Variants in YY1 observed in about 807,000 individuals in gnomAD.
YY1 encodes the protein transcriptional repressor protein YY1.
YY1 carries 2 observed loss-of-function variants against 35.6 expected under a neutral mutation model. The ratio of observed to expected loss-of-function variants is 0.06; its 90% CI spans 0.02 to 0.18. The LOEUF is 0.18. YY1 is among the 10% of genes least tolerant of loss of function. The pLI is 1.00. For synonymous variants in YY1, 268 were observed against 238.9 expected (o/e 1.12, Z -1.12); for missense variants, 322 against 573.4 (o/e 0.56, Z 4.48).
In YY1 at chr14:100,277,511, C is replaced by G; in HGVS notation, c.1156C>G (p.Pro386Ala). 1 of 1,613,974 alleles carries G rather than the reference C, an allele frequency of 6.2e-7. No homozygotes were observed. The highest frequency in any genetic ancestry group is 8.5e-7 in the Non-Finnish European group (1 of 1,180,010). Residue 386 changes from proline (P) to alanine (A), a missense_variant, in exon 5 of 5, where the codon CCC (proline) becomes GCC (alanine). This residue lies in a region of YY1 where 26 missense variants were observed against 212.6 expected (regional missense o/e 0.12). Transcript: ENST00000262238. The surrounding 1 kb of genome is among the most constrained non-coding windows in gnomAD (Gnocchi z 5.6). The stretch of plus-strand genomic sequence containing the variant: ...TACCGGAGACAGGCCCTATGTGTGC[C>G]CCTTCGATGGTTGTAATAAGAAGTT... Reference protein sequence around the residue: ...IHTGDRPYVCPFDGCNKKFAQ... With the variant: ...IHTGDRPYVCAFDGCNKKFAQ...
chr14:100,265,416 T>A (rs922048269), intron 2 of YY1: 1 of 152,050 alleles, frequency 6.6e-6, no homozygotes, highest in African/African-American at 2.4e-5. Context: ...AGAAAAAAAC[T>A]ACAAAAGATA....
intron 1 of YY1, among the ~76,000 whole-genome samples, chr14:100,251,792 T>G (rs924990713): frequency 5.3e-5 from 8 of 152,152 alleles, no homozygotes; most frequent in African/African-American, 1.9e-4. Context: ...CTTCTCTTTC[T>G]TCTCTTTATT....
In YY1 at chr14:100,281,061, CAAAAAAAAAAAA is replaced by C. The variant is rs36009825; in HGVS notation, c.*3476_*3487del. 2.6e-4 allele frequency: 26 copies of C among 100,902 alleles called. No homozygotes were observed. The highest frequency in any genetic ancestry group is 1.2e-3 in the African/African-American group (25 of 20,604). The allele number at this position is 100,902 out of a possible 1,614,324, so 6.3% of individuals were successfully genotyped here. On this transcript the variant is annotated 3_prime_UTR_variant, in exon 5 of 5. Coordinates refer to ENST00000262238, the MANE Select transcript of YY1 (RefSeq NM_003403.5). ...GGTGACAGAGCAAGACTCCGTCTCCCAAAAAAAAAAAAAAAAAAAAAAAAAAGGAAACCTGAC... is the reference window on the plus strand; with the variant it reads ...GGTGACAGAGCAAGACTCCGTCTCCCAAAAAAAAAAAAAAGGAAACCTGAC...
At chr14:100,271,674 C>T (rs991845872) in intron 2 of YY1, among the ~76,000 whole-genome samples, 1 of 146,696 alleles carries the variant, frequency 6.8e-6, no homozygotes, top group African/African-American at 2.5e-5. Context: ...CAATTCTGTA[C>T]TTTTTTTTTT....
intron 1 of YY1, among the ~76,000 whole-genome samples, chr14:100,240,777 C>T (rs952255083): frequency 6.6e-6 from 1 of 152,134 alleles, no homozygotes; most frequent in Non-Finnish European, 1.5e-5. Flanking sequence ...AATTCTTAGT[C>T]ACTTACGTTT....
intron 2 of YY1, among the ~76,000 whole-genome samples, chr14:100,271,965 T>C (rs1891244978): frequency 6.6e-6 from 1 of 152,150 alleles, no homozygotes; most frequent in African/African-American, 2.4e-5. Context: ...TTTTGGATTT[T>C]GGATGTTAGG....
chr14:100,242,681 C>T (rs1248474653), intron 1 of YY1, among the ~76,000 whole-genome samples: 1 of 152,094 alleles, frequency 6.6e-6, no homozygotes, highest in Non-Finnish European at 1.5e-5. Context: ...AGCCACCGCG[C>T]CCAGCCAAGT....
intron 2 of YY1, among the ~76,000 whole-genome samples, chr14:100,266,347 C>T (rs1891155021): frequency 6.6e-6 from 1 of 152,112 alleles, no homozygotes; most frequent in South Asian, 2.1e-4. Flanking sequence ...AATAAAACCT[C>T]TTTGGATTAT....
chr14:100,253,657 G>C (rs1349801827), intron 1 of YY1, among the ~76,000 whole-genome samples: 1 of 151,984 alleles, frequency 6.6e-6, no homozygotes, highest in Non-Finnish European at 1.5e-5. Context: ...CTCCCAAAGT[G>C]CTGGGATTAT....
rs1463920206 is a variant in YY1, at chr14:100,240,225, G to T, written c.679+302G>T. On this transcript the variant is annotated intron_variant, in intron 1 of 4. Transcript: ENST00000262238. ...GGCCGGGGGAGGGGCCGGCGCGCTC[G>T]CTCCCCGACGCCCTCGCTCCCCGCG... is the stretch of plus-strand genomic sequence containing the variant. 3.5e-5 allele frequency among the ~76,000 whole-genome samples: 5 copies of T among 141,410 alleles called. No individual in the cohort carries two copies. The East Asian group carries it at 1.1e-3, about 30-fold the overall frequency. The allele number at this position is 141,410 out of a possible 152,430, so 92.8% of individuals were successfully genotyped here.
At position 100,282,543 on chromosome 14, in the gene YY1, C is replaced by T. The variant is rs1891455933; in HGVS notation, c.*4943C>T. 6.6e-6 allele frequency: 1 copy of T among 152,184 alleles called. No homozygotes were observed. The highest frequency in any genetic ancestry group is 1.5e-5 in the Non-Finnish European group (1 of 68,034). The allele number at this position is 152,184 out of a possible 1,614,324, so 9.4% of individuals were successfully genotyped here. ...CGCTTTCTGGTAACTTCTGTAGGCC[C>T]TGGCTCAAGGACTTAGCATTTCGTC... On this transcript the variant is annotated 3_prime_UTR_variant, in exon 5 of 5. Coordinates refer to ENST00000262238, the MANE Select transcript of YY1 (RefSeq NM_003403.5).
At chr14:100,274,047 A>C (rs1276023288) in intron 2 of YY1, among the ~76,000 whole-genome samples, 2 of 152,186 alleles carry the variant, frequency 1.3e-5, no homozygotes, top group Non-Finnish European at 2.9e-5. Flanking sequence ...TCTGTCCACC[A>C]GGCCCTAGGA....
intron 1 of YY1, among the ~76,000 whole-genome samples, chr14:100,257,382 T>C (rs1891019691): frequency 6.6e-6 from 1 of 152,228 alleles, no homozygotes; most frequent in African/African-American, 2.4e-5. Context: ...GTGATTCCTT[T>C]ATGCCATGAG....
At chr14:100,246,153 C>T (rs1381886852) in intron 1 of YY1, among the ~76,000 whole-genome samples, 1 of 152,138 alleles carries the variant, frequency 6.6e-6, no homozygotes, top group East Asian at 1.9e-4. Context: ...TGCCTGGAAC[C>T]CTGGAAACAA....
At chr14:100,259,001 G>A (rs533309996) in intron 1 of YY1, among the ~76,000 whole-genome samples, 2 of 152,248 alleles carry the variant, frequency 1.3e-5, no homozygotes, top group South Asian at 2.1e-4. Context: ...TGTAGATTTC[G>A]TTTTGGTTTG....
In YY1 at chr14:100,279,340, A is replaced by G. The variant is rs1046108849; in HGVS notation, c.*1740A>G. ...CCCCATCAGGTGAAACACATAGCCCATTGTCTTAGAGCTTCTCCATCGGTC... is the reference window on the plus strand; with the variant it reads ...CCCCATCAGGTGAAACACATAGCCCGTTGTCTTAGAGCTTCTCCATCGGTC... On this transcript the variant is annotated 3_prime_UTR_variant, in exon 5 of 5. Coordinates refer to ENST00000262238, the MANE Select transcript of YY1 (RefSeq NM_003403.5). 8.5e-5 allele frequency: 13 copies of G among 152,200 alleles called. No individual in the cohort carries two copies. The highest frequency in any genetic ancestry group is 5.9e-4 in the Admixed American group (9 of 15,282). The allele number at this position is 152,200 out of a possible 1,614,324, so 9.4% of individuals were successfully genotyped here. A position where few individuals can be genotyped will look rare whatever the true frequency, so the allele number is the denominator to read the frequency against.
intron 1 of YY1, 64 bp from the exon 2 acceptor site, chr14:100,262,240 A>T: frequency 6.3e-7 from 1 of 1,579,924 alleles, no homozygotes; most frequent in South Asian, 1.1e-5. Context: ...TACTGGTGAA[A>T]GCAGTTTTTG....
intron 2 of YY1, among the ~76,000 whole-genome samples, chr14:100,274,249 C>A (rs765828984): frequency 2.6e-5 from 4 of 152,178 alleles, no homozygotes; most frequent in African/African-American, 9.7e-5. Flanking sequence ...TTAGGACACT[C>A]CTGTGTTCAC....
intron 2 of YY1, among the ~76,000 whole-genome samples, chr14:100,272,411 G>A (rs1891254690): frequency 6.6e-6 from 1 of 152,132 alleles, no homozygotes. Flanking sequence ...TACCAGATCT[G>A]TTGTTCCTCA....
Sources: allele counts gnomAD v4.1 joint callset (sites outside exome capture counted in the v4.1 genomes callset), GRCh38; gene constraint gnomAD v4.1.1; regional missense constraint gnomAD v4.1.1; non-coding constraint Gnocchi (gnomAD v3.1); transcripts MANE v1.5; gene names NCBI Gene and HGNC (gene_info 2026-07-23, HGNC 2026-07-21).